The following SKAP1 variants were observed in gnomAD, a reference collection of about 807,000 sequenced individuals.
SKAP1 encodes the protein src kinase-associated phosphoprotein 1.
In SKAP1, 44 loss-of-function variants were observed where a neutral mutation model predicts 58.5. That is an observed-to-expected ratio of 0.75 (90% CI 0.59 to 0.97). SKAP1 has a LOEUF of 0.97. SKAP1 is among the 50% of genes least tolerant of loss of function. The probability of loss-of-function intolerance (pLI) is 0.00; values close to 1 mark genes in which losing one functional copy is unlikely to be tolerated. For synonymous variants in SKAP1, 127 were observed against 149.7 expected, an observed-to-expected ratio of 0.85 and a Z score of 1.11; for missense variants, 390 against 435.2, an observed-to-expected ratio of 0.90 and a Z score of 0.92.
the SKAP1 span, among the ~76,000 whole-genome samples, chr17:48,443,787 T>C: frequency 6.6e-6 from 1 of 152,122 alleles, no homozygotes; most frequent in South Asian, 2.1e-4. Flanking sequence ...GTTGGGTTTT[T>C]TAAAAATAAT....
At chr17:48,241,691 T>G (rs1429615382) in intron 4 of SKAP1, among the ~76,000 whole-genome samples, 1 of 152,114 alleles carries the variant, frequency 6.6e-6, no homozygotes, top group Non-Finnish European at 1.5e-5. Context: ...AAAGAAACAT[T>G]CCAACATTCT....
the SKAP1 span, among the ~76,000 whole-genome samples, chr17:48,440,358 A>G: frequency 6.6e-6 from 1 of 152,152 alleles, no homozygotes; most frequent in Non-Finnish European, 1.5e-5. Context: ...TGCTTCCTCT[A>G]CTGTCTGAGC....
chr17:48,361,820 T>C (rs2066942502), intron 3 of SKAP1, among the ~76,000 whole-genome samples: 1 of 152,198 alleles, frequency 6.6e-6, no homozygotes, highest in South Asian at 2.1e-4. Context: ...TTCTCTTTCT[T>C]ACATATTTCT....
At chr17:48,242,266 C>T (rs1315932847) in intron 4 of SKAP1, among the ~76,000 whole-genome samples, 2 of 152,232 alleles carry the variant, frequency 1.3e-5, no homozygotes, top group Non-Finnish European at 2.9e-5. Context: ...AGGGAATGAA[C>T]GTCGTTGATC....
At chr17:48,215,190 TC>T (rs1480381022) in intron 4 of SKAP1, among the ~76,000 whole-genome samples, 1 of 152,128 alleles carries the variant, frequency 6.6e-6, no homozygotes, top group Non-Finnish European at 1.5e-5. Flanking sequence ...CAGCTATAGA[TC>T]TATATCTAAA....
intron 4 of SKAP1, among the ~76,000 whole-genome samples, chr17:48,236,309 A>T (rs1329745856): frequency 2.0e-5 from 3 of 152,176 alleles, no homozygotes; most frequent in African/African-American, 7.2e-5. Flanking sequence ...AATAACTATA[A>T]TGCAATTTAT....
chr17:48,426,847 G>A (rs1567910144), intron 1 of SKAP1, among the ~76,000 whole-genome samples: 1 of 132,178 alleles, frequency 7.6e-6, no homozygotes, highest in African/African-American at 3.1e-5. Context: ...CCAAGATAGC[G>A]TGTTTTTTTT....
At chr17:48,238,557 G>GC (rs1368877019) in intron 4 of SKAP1, among the ~76,000 whole-genome samples, 1 of 151,910 alleles carries the variant, frequency 6.6e-6, no homozygotes, top group Admixed American at 6.6e-5. Flanking sequence ...GTGCCACCAT[G>GC]CCCAGCAGTC....
At chr17:48,210,988 T>C (rs1442183235) in intron 4 of SKAP1, among the ~76,000 whole-genome samples, 1 of 151,990 alleles carries the variant, frequency 6.6e-6, no homozygotes, top group Non-Finnish European at 1.5e-5. Context: ...TAGAAGGTAA[T>C]TTGTCCCTCA....
chr17:48,408,275 G>T (rs1224780696), intron 1 of SKAP1, among the ~76,000 whole-genome samples: 3 of 152,144 alleles, frequency 2.0e-5, no homozygotes, highest in Admixed American at 6.5e-5. Flanking sequence ...AAACTAAATT[G>T]AGAAATGAAA....
chr17:48,368,855 T>C (rs909582065), intron 2 of SKAP1, among the ~76,000 whole-genome samples: 1 of 152,262 alleles, frequency 6.6e-6, no homozygotes, highest in African/African-American at 2.4e-5. Context: ...TTGTAGAGTA[T>C]GCTATTTGTG....
chr17:48,170,441 T>A (rs1270068824), intron 10 of SKAP1, among the ~76,000 whole-genome samples, 168 bp downstream of exon 10: 2 of 152,236 alleles, frequency 1.3e-5, no homozygotes, highest in Non-Finnish European at 2.9e-5. Context: ...TTTTAAAGTT[T>A]AGGTATTTCC....
chr17:48,171,093 GT>G (rs71141969), intron 9 of SKAP1, among the ~76,000 whole-genome samples: 11,036 of 69,834 alleles, frequency 0.16, 389 homozygotes, highest in Middle Eastern at 0.21. Context: ...AATTACTGTT[GT>G]TTTTTTTTTT....
chr17:48,189,888 G>A (rs970059469), intron 4 of SKAP1, among the ~76,000 whole-genome samples: 1 of 151,944 alleles, frequency 6.6e-6, no homozygotes, highest in Non-Finnish European at 1.5e-5. Context: ...ATGCTGGCCA[G>A]GCTGGTCTCG....
At chr17:48,185,481 G>A (rs2064437067) in intron 6 of SKAP1, among the ~76,000 whole-genome samples, 2 of 152,108 alleles carry the variant, frequency 1.3e-5, no homozygotes, top group South Asian at 4.1e-4. Context: ...AGGACCATAA[G>A]TGAAGAGAGA....
intron 4 of SKAP1, among the ~76,000 whole-genome samples, chr17:48,291,135 A>G (rs116972755): frequency 0.036 from 5,412 of 152,304 alleles, 140 homozygotes; most frequent in Non-Finnish European, 0.055. Flanking sequence ...AACAAAAACA[A>G]AAACAAAATC....
At chr17:48,347,741 A>G (rs912335791) in intron 3 of SKAP1, among the ~76,000 whole-genome samples, 2 of 152,234 alleles carry the variant, frequency 1.3e-5, no homozygotes, top group African/African-American at 4.8e-5. Flanking sequence ...CATAGTAACC[A>G]GAAAAATTCT....
At chr17:48,310,713 A>T (rs1455735761) in intron 4 of SKAP1, among the ~76,000 whole-genome samples, 2 of 152,194 alleles carry the variant, frequency 1.3e-5, no homozygotes, top group African/African-American at 2.4e-5. Flanking sequence ...CAATGTAAGA[A>T]ATAAAAAGGC....
At chr17:48,329,897 AATG>A (rs568933802) in intron 4 of SKAP1, among the ~76,000 whole-genome samples, 29 of 152,300 alleles carry the variant, frequency 1.9e-4, no homozygotes, top group Admixed American at 7.8e-4. Context: ...GTGATAAGGA[AATG>A]ATAATACCTA....
Sources: allele counts gnomAD v4.1 joint callset (sites outside exome capture counted in the v4.1 genomes callset), GRCh38; gene constraint gnomAD v4.1.1; transcripts MANE v1.5; gene names NCBI Gene and HGNC (gene_info 2026-07-23, HGNC 2026-07-21).